DISC1: variants seen among roughly 807,000 people sequenced by gnomAD.
The protein encoded by DISC1 is DISC1 scaffold protein, also known as disrupted in schizophrenia 1 protein.
DISC1 carries 57 observed loss-of-function variants against 84.5 expected under a neutral mutation model. That is an observed-to-expected ratio of 0.67 (90% CI 0.55 to 0.84). The LOEUF (loss-of-function observed/expected upper bound fraction) is 0.84, where lower values mean the gene tolerates loss of function less well. DISC1 is among the 40% of genes least tolerant of loss of function. The probability of loss-of-function intolerance (pLI) is 0.00; values close to 1 mark genes in which losing one functional copy is unlikely to be tolerated. For missense variants in DISC1, 1,000 were observed against 1,057.8 expected (o/e 0.95, Z 0.76); for synonymous variants, 411 against 415.2 (o/e 0.99, Z 0.12).
At chr1:231,929,623 A>G (rs1445495970) in intron 9 of DISC1, among the ~76,000 whole-genome samples, 1 of 152,228 alleles carries the variant, frequency 6.6e-6, no homozygotes, top group Non-Finnish European at 1.5e-5. Context: ...GCTATGGGGA[A>G]GGTGCTCTGG....
At chr1:231,917,591 C>T (rs78721473) in intron 9 of DISC1, among the ~76,000 whole-genome samples, 2,568 of 152,174 alleles carry the variant, frequency 0.017, 64 homozygotes, top group African/African-American at 0.058. Flanking sequence ...AACGAGTGAG[C>T]GCCAGGACTG....
At chr1:231,761,624 A>G (rs1202401473) in intron 4 of DISC1, among the ~76,000 whole-genome samples, 1 of 152,244 alleles carries the variant, frequency 6.6e-6, no homozygotes, top group Non-Finnish European at 1.5e-5. Context: ...GCTACTCTGT[A>G]GCTAATTTTC....
At chr1:231,977,972 C>CCCTTT (rs1317853712) in intron 10 of DISC1, among the ~76,000 whole-genome samples, 1 of 152,106 alleles carries the variant, frequency 6.6e-6, no homozygotes, top group Non-Finnish European at 1.5e-5. Context: ...TCTGTCAGTT[C>CCCTTT]CCTTTCCTTT....
chr1:231,737,847 G>T (rs942432344), intron 3 of DISC1, among the ~76,000 whole-genome samples: 2 of 152,100 alleles, frequency 1.3e-5, no homozygotes, highest in South Asian at 2.1e-4. Context: ...TTGAGGGCAA[G>T]CTGCAGTTTT....
In DISC1 at chr1:232,038,321, T is replaced by A. The variant is rs1179550739; in HGVS notation, c.*1490T>A. ...TTCTTTGGCCCAGCTGGGACTCCTA[T>A]TGAGACAGCTGCAAAACAGGCTGAT... On this transcript the variant is annotated 3_prime_UTR_variant, in exon 13 of 13. Coordinates refer to ENST00000439617, the MANE Select transcript of DISC1 (RefSeq NM_018662.3). 6.6e-6 allele frequency: 1 copy of A among 152,122 alleles called. No individual in the cohort carries two copies. Among genetic ancestry groups the A allele is most frequent in the African/African-American group, 2.4e-5 (1 of 41,414 alleles). The allele number at this position is 152,122 out of a possible 1,614,324, so 9.4% of individuals were successfully genotyped here. A position where few individuals can be genotyped will look rare whatever the true frequency, so the allele number is the denominator to read the frequency against.
At chr1:231,819,535 C>G (rs891664671) in intron 9 of DISC1, among the ~76,000 whole-genome samples, 1 of 152,158 alleles carries the variant, frequency 6.6e-6, no homozygotes, top group African/African-American at 2.4e-5. Context: ...AATGAATACC[C>G]TTAAGTTGGC....
At chr1:231,858,250 G>A (rs2084401347) in intron 9 of DISC1, among the ~76,000 whole-genome samples, 1 of 152,180 alleles carries the variant, frequency 6.6e-6, no homozygotes, top group African/African-American at 2.4e-5. Flanking sequence ...TCTCTTCCCT[G>A]GCTAAGCATC....
intron 11 of DISC1, among the ~76,000 whole-genome samples, chr1:232,014,480 A>G (rs1403516159): frequency 6.6e-6 from 1 of 152,242 alleles, no homozygotes; most frequent in Non-Finnish European, 1.5e-5. Context: ...AAACCCAGCC[A>G]TCTTTCCCAA....
chr1:231,673,255 T>C (rs6673932), intron 1 of DISC1, among the ~76,000 whole-genome samples: 40 of 152,370 alleles, frequency 2.6e-4, no homozygotes, highest in African/African-American at 9.6e-4. Flanking sequence ...ACTGGTGTGC[T>C]GTCCCCTGGA....
chr1:232,036,992 G>C lies in DISC1; in HGVS notation c.*161G>C. The C allele has an allele frequency of 2.9e-6, 2 of 680,400 alleles. No individual in the cohort carries two copies. The highest frequency in any genetic ancestry group is 4.0e-5 in the Admixed American group (1 of 24,962). The allele number at this position is 680,400 out of a possible 1,614,324, so 42.1% of individuals were successfully genotyped here. On this transcript the variant is annotated 3_prime_UTR_variant, in exon 13 of 13. Coordinates refer to ENST00000439617, the MANE Select transcript of DISC1 (RefSeq NM_018662.3). ...GGTTCATGTTCATTCTCATCAGTGT[G>C]AAACTGAGGAGTCTGCAATTTGGAA...
At chr1:231,854,589 T>C (rs2084125668) in intron 9 of DISC1, 1 of 152,330 alleles carries the variant, frequency 6.6e-6, no homozygotes. Flanking sequence ...CCTCCTCTAG[T>C]TGTTATGTTC....
chr1:231,717,884 C>T lies in DISC1; in HGVS notation c.1117+15860C>T, dbSNP rs181266317. ...CATGGCACCATTTTATTTTCCAATA[C>T]TATTGTATAGAATGTCCAAACTAAG... On this transcript the variant is annotated intron_variant, in intron 3 of 12. Transcript: ENST00000439617. Among the ~76,000 whole-genome samples the T allele has an allele frequency of 2.0e-5, 3 of 152,254 alleles. No individual in the cohort carries two copies. The East Asian group carries it at 5.8e-4, about 29-fold the overall frequency.
chr1:231,867,460 A>G (rs556102076), intron 9 of DISC1, among the ~76,000 whole-genome samples: 2 of 151,748 alleles, frequency 1.3e-5, no homozygotes, highest in African/African-American at 4.8e-5. Context: ...AATAATAATA[A>G]TAGAGGGAAT....
In DISC1 at chr1:231,833,458, G is replaced by A. The variant is rs183757233; in HGVS notation, c.1981+14941G>A. On this transcript the variant is annotated intron_variant, in intron 9 of 12. Transcript: ENST00000439617. ...GTCTAGGGGGCTTCCAAGGCGATTT[G>A]GCAGTGTCAGTCTTCAGCTGCTAAG... 1.2e-3 allele frequency among the ~76,000 whole-genome samples: 175 copies of A among 151,882 alleles called. 6 individuals carry two copies. The highest frequency in any genetic ancestry group is 4.1e-3 in the African/African-American group (170 of 41,156).
chr1:231,991,154 T>A (rs1461985464), intron 10 of DISC1, among the ~76,000 whole-genome samples: 1 of 152,248 alleles, frequency 6.6e-6, no homozygotes, highest in Non-Finnish European at 1.5e-5. Context: ...ATTGTCTCTC[T>A]AACTCTTTGA....
At chr1:232,000,691 A>C (rs1323537912) in intron 10 of DISC1, among the ~76,000 whole-genome samples, 1 of 152,204 alleles carries the variant, frequency 6.6e-6, no homozygotes, top group African/African-American at 2.4e-5. Flanking sequence ...ATCCTTGAGA[A>C]CACCCAGAGA....
intron 6 of DISC1, chr1:231,771,528 A>G (rs2125459997): frequency 1.0e-6 from 1 of 985,434 alleles, no homozygotes; most frequent in South Asian, 4.7e-5. Flanking sequence ...ACTGGTAGCT[A>G]AAATGTATTG....
At chr1:231,969,697 C>A (rs1328089693) in intron 10 of DISC1, among the ~76,000 whole-genome samples, 1 of 151,278 alleles carries the variant, frequency 6.6e-6, no homozygotes. Context: ...TGTGCTGCAC[C>A]CATTAACTCG....
chr1:231,980,373 AG>A (rs1663417944), intron 10 of DISC1, among the ~76,000 whole-genome samples: 1 of 152,196 alleles, frequency 6.6e-6, no homozygotes, highest in African/African-American at 2.4e-5. Context: ...ATGGGAAACC[AG>A]AATCCTCTTT....
Sources: gnomAD v4.1 joint callset for allele counts (sites outside exome capture counted in the v4.1 genomes callset) on GRCh38, gnomAD v4.1.1 for gene constraint, MANE v1.5 for transcripts, NCBI Gene and HGNC (gene_info 2026-07-23, HGNC 2026-07-21) for gene names.